Variants in RPS6KA5 observed in about 807,000 individuals in gnomAD.
The protein encoded by RPS6KA5 is ribosomal protein S6 kinase alpha-5.
In RPS6KA5, 27 loss-of-function variants were observed where a neutral mutation model predicts 85.5. The ratio of observed to expected loss-of-function variants is 0.32; its 90% CI spans 0.23 to 0.44. The LOEUF (loss-of-function observed/expected upper bound fraction) is 0.44. RPS6KA5 is among the 20% of genes least tolerant of loss of function. The probability of loss-of-function intolerance (pLI) is 1.00; values close to 1 mark genes in which losing one functional copy is unlikely to be tolerated. For synonymous variants in RPS6KA5, 334 were observed against 348.2 expected, an observed-to-expected ratio of 0.96 and a Z score of 0.46; for missense variants, 811 against 980.9, an observed-to-expected ratio of 0.83 and a Z score of 2.31.
At position 90,933,593 on chromosome 14, in the gene RPS6KA5, G is replaced by A. The variant is rs533515281; in HGVS notation, c.618+9485C>T. Among the ~76,000 whole-genome samples, 6 of 152,258 alleles carry A rather than the reference G, an allele frequency of 3.9e-5. No homozygotes were observed. The South Asian group carries it at 1.2e-3, about 32-fold the overall frequency. On this transcript the variant is annotated intron_variant, in intron 5 of 16. Transcript: ENST00000614987. The stretch of plus-strand genomic sequence containing the variant: ...CAACAGTTTTCTATCTGGACCTCAT[G>A]TTTCCACACTTGTCCCACTACAGGA...
At chr14:90,909,386 A>T (rs984171215) in intron 7 of RPS6KA5, among the ~76,000 whole-genome samples, 3 of 152,202 alleles carry the variant, frequency 2.0e-5, no homozygotes, top group African/African-American at 7.2e-5. Context: ...TAAATCTTAG[A>T]GCCTTCTGTA....
rs534971778 is a variant in RPS6KA5, at chr14:90,849,005, C to A, written c.*23069G>T. The A allele has an allele frequency of 9.9e-5, 15 of 152,094 alleles. No individual in the cohort carries two copies. The highest frequency in any genetic ancestry group is 1.9e-4 in the Non-Finnish European group (13 of 68,034). The allele number at this position is 152,094 out of a possible 1,614,324, so 9.4% of individuals were successfully genotyped here. A position where few individuals can be genotyped will look rare whatever the true frequency, so the allele number is the denominator to read the frequency against. On this transcript the variant is annotated 3_prime_UTR_variant, in exon 17 of 17. Coordinates refer to ENST00000614987, the MANE Select transcript of RPS6KA5 (RefSeq NM_004755.4). ...AAGAAAAGAGTCCACCGCACTCCAG[C>A]CTGGGCAACAGAGCAAGGCCGCATC...
At chr14:90,920,006 A>G (rs1161302767) in intron 7 of RPS6KA5, among the ~76,000 whole-genome samples, 200 bp downstream of exon 7, 1 of 152,216 alleles carries the variant, frequency 6.6e-6, no homozygotes, top group African/African-American at 2.4e-5. Flanking sequence ...TTCAGATTCA[A>G]CTGGGCACAT....
intron 1 of RPS6KA5, among the ~76,000 whole-genome samples, chr14:91,034,401 G>T (rs1416232009): frequency 6.6e-6 from 1 of 152,072 alleles, no homozygotes; most frequent in African/African-American, 2.4e-5. Context: ...GGACTTCCTG[G>T]GTCGAGTGGG....
chr14:91,017,381 T>C (rs1015588097), intron 1 of RPS6KA5, among the ~76,000 whole-genome samples: 3 of 152,246 alleles, frequency 2.0e-5, no homozygotes, highest in Non-Finnish European at 4.4e-5. Flanking sequence ...CCTTATTCAC[T>C]GTAATGATAT....
intron 1 of RPS6KA5, among the ~76,000 whole-genome samples, chr14:91,059,678 T>C (rs2043540673): frequency 1.3e-5 from 2 of 152,226 alleles, no homozygotes; most frequent in Non-Finnish European, 2.9e-5. Flanking sequence ...GAGCTTTAAA[T>C]TTCTAAAGCC....
chr14:90,923,427 A>G (rs970798719), intron 5 of RPS6KA5, among the ~76,000 whole-genome samples: 1 of 138,304 alleles, frequency 7.2e-6, no homozygotes, highest in Admixed American at 6.8e-5. Flanking sequence ...AAATGGTACC[A>G]TCATCCATCC....
rs1385826224 is a variant in RPS6KA5, at chr14:90,847,907, T to A, written c.*24167A>T. 2 of 152,196 alleles carry A rather than the reference T, an allele frequency of 1.3e-5. No individual in the cohort carries two copies. Among genetic ancestry groups the A allele is most frequent in the African/African-American group, 4.8e-5 (2 of 41,446 alleles). The allele number at this position is 152,196 out of a possible 1,614,324, so 9.4% of individuals were successfully genotyped here. A position where few individuals can be genotyped will look rare whatever the true frequency, so the allele number is the denominator to read the frequency against. ...GGTTTATTCTTAAAGCTTGAACAAA[T>A]ACATCTTTACACACACACAAGTTGG... On this transcript the variant is annotated 3_prime_UTR_variant, in exon 17 of 17. Transcript: ENST00000614987.
At chr14:90,958,791 AG>A (rs1343882480) in intron 3 of RPS6KA5, among the ~76,000 whole-genome samples, 1 of 152,046 alleles carries the variant, frequency 6.6e-6, no homozygotes, top group South Asian at 2.1e-4. Context: ...CATTCCATTC[AG>A]GAAAAAAAAA....
chr14:90,986,463 A>T (rs77791084), intron 2 of RPS6KA5, among the ~76,000 whole-genome samples: 1 of 151,032 alleles, frequency 6.6e-6, no homozygotes, highest in African/African-American at 2.4e-5. Context: ...AAAAAAAAAA[A>T]TACGTTAAAA....
chr14:90,975,802 A>C (rs143651844), intron 3 of RPS6KA5, among the ~76,000 whole-genome samples: 2 of 152,350 alleles, frequency 1.3e-5, no homozygotes, highest in East Asian at 3.9e-4. Context: ...AATTCCTGAA[A>C]AGTTTTCATC....
chr14:90,934,975 A>G (rs2037182881), intron 5 of RPS6KA5, among the ~76,000 whole-genome samples: 2 of 152,240 alleles, frequency 1.3e-5, no homozygotes, highest in Admixed American at 6.5e-5. Context: ...TTACCTTAAA[A>G]TAACTAAATT....
intron 9 of RPS6KA5, among the ~76,000 whole-genome samples, chr14:90,901,410 A>G (rs780968924): frequency 6.6e-6 from 1 of 152,190 alleles, no homozygotes; most frequent in African/African-American, 2.4e-5. Context: ...TTGTTTTTCA[A>G]ACTGGAAAAA....
chr14:90,974,977 T>C (rs1459362463), intron 3 of RPS6KA5, among the ~76,000 whole-genome samples: 1 of 152,208 alleles, frequency 6.6e-6, no homozygotes, highest in Non-Finnish European at 1.5e-5. Context: ...TTACAAATCA[T>C]ATACGGGACA....
chr14:90,883,279 C>G (rs1005445800), intron 14 of RPS6KA5, among the ~76,000 whole-genome samples: 8 of 152,162 alleles, frequency 5.3e-5, no homozygotes, highest in African/African-American at 1.9e-4. Context: ...TGTTGGTCCT[C>G]TTGATGGCAT....
At chr14:91,042,849 G>C (rs1245245653) in intron 1 of RPS6KA5, among the ~76,000 whole-genome samples, 1 of 151,990 alleles carries the variant, frequency 6.6e-6, no homozygotes, top group Non-Finnish European at 1.5e-5. Flanking sequence ...ACTAGGCTAG[G>C]TCCAGCCTAG....
intron 1 of RPS6KA5, among the ~76,000 whole-genome samples, chr14:91,022,944 G>T (rs1382521263): frequency 6.6e-6 from 1 of 151,958 alleles, no homozygotes. Flanking sequence ...AATTAGCTGG[G>T]CATGGTGGCG....
intron 2 of RPS6KA5, among the ~76,000 whole-genome samples, chr14:90,990,692 G>A (rs2040269584): frequency 1.3e-5 from 2 of 152,168 alleles, no homozygotes; most frequent in Admixed American, 6.5e-5. Context: ...GTACACCACA[G>A]AATACTATGC....
At chr14:90,885,507 C>T (rs1477739277) in intron 14 of RPS6KA5, among the ~76,000 whole-genome samples, 3 of 117,972 alleles carry the variant, frequency 2.5e-5, no homozygotes, top group African/African-American at 1.1e-4. Context: ...GAGCCGAGAT[C>T]CCGCCACTGC....
Sources: gnomAD v4.1 joint callset for allele counts (sites outside exome capture counted in the v4.1 genomes callset) on GRCh38, gnomAD v4.1.1 for gene constraint, MANE v1.5 for transcripts, NCBI Gene and HGNC (gene_info 2026-07-23, HGNC 2026-07-21) for gene names.